Variants in ATXN7L1 observed in about 807,000 individuals in gnomAD.
The protein encoded by ATXN7L1 is ataxin-7-like protein 1.
Under a neutral mutation model 70.8 loss-of-function variants are expected in ATXN7L1, and 15 were observed. That is an observed-to-expected ratio of 0.21 (90% CI 0.14 to 0.33). The LOEUF (loss-of-function observed/expected upper bound fraction) is 0.33, where lower values mean the gene tolerates loss of function less well. Among genes scored for constraint, ATXN7L1 ranks in the 10% least tolerant of loss-of-function variants. The probability of loss-of-function intolerance (pLI) is 1.00; values close to 1 mark genes in which losing one functional copy is unlikely to be tolerated. For missense variants in ATXN7L1, 975 were observed against 1,097.1 expected, an observed-to-expected ratio of 0.89 and a Z score of 1.57; for synonymous variants, 440 against 445.1, an observed-to-expected ratio of 0.99 and a Z score of 0.14.
intron 11 of ATXN7L1, 27 bp downstream of exon 11, chr7:105,610,502 G>GGGGCGC: frequency 1.1e-5 from 17 of 1,525,542 alleles, no homozygotes; most frequent in Non-Finnish European, 1.5e-5. Flanking sequence ...ATGAATTTTT[G>GGGGCGC]CCCCACCCCC....
chr7:105,784,716 C>G (rs1804035089), intron 3 of ATXN7L1, among the ~76,000 whole-genome samples: 1 of 152,182 alleles, frequency 6.6e-6, no homozygotes, highest in Non-Finnish European at 1.5e-5. Context: ...CCCCCTGAGG[C>G]AGGCAGAGTA....
At chr7:105,758,317 G>T (rs1228586786) in intron 3 of ATXN7L1, among the ~76,000 whole-genome samples, 3 of 152,168 alleles carry the variant, frequency 2.0e-5, no homozygotes, top group African/African-American at 7.2e-5. Context: ...CCATGACGGT[G>T]ATTAATCCTC....
chr7:105,661,214 G>GAA (rs1801550856), intron 4 of ATXN7L1, among the ~76,000 whole-genome samples: 1 of 152,140 alleles, frequency 6.6e-6, no homozygotes, highest in Admixed American at 6.5e-5. Context: ...TGGGCCCTGT[G>GAA]TATCCCCTGT....
chr7:105,791,472 G>A lies in ATXN7L1; in HGVS notation c.251-2764C>T, dbSNP rs557598157. 4.7e-4 allele frequency among the ~76,000 whole-genome samples: 71 copies of A among 152,294 alleles called. 1 individual carries two copies. The highest frequency in any genetic ancestry group is 1.6e-3 in the African/African-American group (65 of 41,552). On this transcript the variant is annotated intron_variant, in intron 2 of 11. Transcript: ENST00000419735. ...ACCCTGTGGGCAGGCAGGACCCTCAGTTCAGAGCCTTAGAGCCGCGGAGAT... is the reference window on the plus strand; with the variant it reads ...ACCCTGTGGGCAGGCAGGACCCTCAATTCAGAGCCTTAGAGCCGCGGAGAT...
At chr7:105,868,189 C>T (rs1046480334) in intron 2 of ATXN7L1, among the ~76,000 whole-genome samples, 2 of 152,126 alleles carry the variant, frequency 1.3e-5, no homozygotes, top group African/African-American at 4.8e-5. Context: ...TCTGGGAGGC[C>T]GGCACTGAGC....
chr7:105,617,929 C>A (rs1439136007), intron 9 of ATXN7L1: 8 of 456,552 alleles, frequency 1.8e-5, no homozygotes, highest in Non-Finnish European at 3.1e-5. Flanking sequence ...CAGGTTCGGG[C>A]CCGCCGGGGC....
intron 3 of ATXN7L1, among the ~76,000 whole-genome samples, chr7:105,720,659 C>CG (rs1461931749): frequency 6.6e-6 from 1 of 152,006 alleles, no homozygotes; most frequent in Non-Finnish European, 1.5e-5. Flanking sequence ...TTGGTAGAGA[C>CG]GGGGTCTCAA....
intron 3 of ATXN7L1, among the ~76,000 whole-genome samples, chr7:105,679,616 T>C (rs71562671): frequency 0.069 from 10,442 of 152,190 alleles, 406 homozygotes; most frequent in South Asian, 0.084. Context: ...TCTGGATATT[T>C]AGAAAGTTTG....
chr7:105,676,572 G>A (rs913693065), intron 3 of ATXN7L1, among the ~76,000 whole-genome samples: 24 of 152,274 alleles, frequency 1.6e-4, no homozygotes, highest in Middle Eastern at 3.4e-3. Context: ...GGGCATAGTG[G>A]CTCACACCTG....
At chr7:105,705,371 T>C (rs1044206992) in intron 3 of ATXN7L1, among the ~76,000 whole-genome samples, 3 of 152,200 alleles carry the variant, frequency 2.0e-5, no homozygotes, top group African/African-American at 4.8e-5. Context: ...TGCTGCGCTA[T>C]TGAACACATG....
At position 105,665,103 on chromosome 7, in the gene ATXN7L1, T is replaced by C. The variant is rs1177851917; in HGVS notation, c.541A>G (p.Thr181Ala). The change falls in exon 4 of 12, where the codon ACA becomes GCA. Residue 181 changes from threonine (T) to alanine (A), a missense_variant. Around this residue, in one of 5 missense-constraint regions of ATXN7L1, gnomAD observed 192 missense variants for 215.5 expected, o/e 0.89. Transcript: ENST00000419735. Reference sequence around the variant, plus strand: ...CTTGATCCTTTCGCAGGAAAGACTGTGTGCTGTTTGCTGCTGGAGGTAAGT... The same window carrying C: ...CTTGATCCTTTCGCAGGAAAGACTGCGTGCTGTTTGCTGCTGGAGGTAAGT... ...NLLTSSSKQH[T>A]VFPAKGSRDK... The C allele has an allele frequency of 6.4e-7, 1 of 1,551,622 alleles. No individual in the cohort carries two copies. The highest frequency in any genetic ancestry group is 8.7e-7 in the Non-Finnish European group (1 of 1,146,992).
Position 105,628,910 on chromosome 7 carries a change from G to A in ATXN7L1, c.1203-4643C>T, listed in dbSNP as rs189760908. Among the ~76,000 whole-genome samples, 13 of 151,182 alleles carry A rather than the reference G, an allele frequency of 8.6e-5. 1 individual carries two copies. The highest frequency in any genetic ancestry group is 3.1e-4 in the African/African-American group (13 of 41,326). ...ACTGTAAAATGATTACCACAAGTTA[G>A]CTAACATATGTCACCTCACAGTTAC... On this transcript the variant is annotated intron_variant, in intron 7 of 11. Coordinates refer to ENST00000419735, the MANE Select transcript of ATXN7L1 (RefSeq NM_020725.2).
At chr7:105,826,509 T>C (rs1380478129) in intron 2 of ATXN7L1, among the ~76,000 whole-genome samples, 3 of 152,200 alleles carry the variant, frequency 2.0e-5, no homozygotes, top group Non-Finnish European at 2.9e-5. Flanking sequence ...GAAAATAGCA[T>C]TTTATTACAT....
intron 2 of ATXN7L1, among the ~76,000 whole-genome samples, chr7:105,807,714 G>A (rs1029721643): frequency 7.2e-5 from 11 of 152,146 alleles, no homozygotes; most frequent in African/African-American, 1.4e-4. Flanking sequence ...TAGCATGGAC[G>A]GACCCACATG....
At chr7:105,761,037 T>C (rs1800465260) in intron 3 of ATXN7L1, 1 of 478,334 alleles carries the variant, frequency 2.1e-6, no homozygotes, top group East Asian at 1.1e-4. Context: ...TGATTTTGAT[T>C]CTGACTTCTG....
At chr7:105,619,140 G>GTTTTTTTTTTTTTTTTTTTTTTTTTTT (rs1191774371) in intron 9 of ATXN7L1, among the ~76,000 whole-genome samples, 3 of 49,844 alleles carry the variant, frequency 6.0e-5, no homozygotes, top group South Asian at 1.4e-3. Flanking sequence ...GAAATCTTTA[G>GTTTTTTTTTTTTTTTTTTTTTTTTTTT]TTTTTTTTTT....
At chr7:105,790,584 A>C (rs1388794653) in intron 2 of ATXN7L1, among the ~76,000 whole-genome samples, 2 of 149,498 alleles carry the variant, frequency 1.3e-5, no homozygotes, top group Non-Finnish European at 3.0e-5. Context: ...CTGTCTCAGA[A>C]AGAAAAAGAA....
At chr7:105,870,894 T>C (rs1818159628) in intron 2 of ATXN7L1, among the ~76,000 whole-genome samples, 1 of 152,174 alleles carries the variant, frequency 6.6e-6, no homozygotes, top group Non-Finnish European at 1.5e-5. Flanking sequence ...GGGGAACACA[T>C]TGGGTTTTGG....
At chr7:105,863,827 C>T (rs974865904) in intron 2 of ATXN7L1, among the ~76,000 whole-genome samples, 5 of 151,836 alleles carry the variant, frequency 3.3e-5, no homozygotes, top group African/African-American at 1.2e-4. Context: ...AGTTAATGCC[C>T]AATAAAAGAC....
Sources: gnomAD v4.1 joint callset for allele counts (sites outside exome capture counted in the v4.1 genomes callset) on GRCh38, gnomAD v4.1.1 for gene constraint, gnomAD v4.1.1 regional missense constraint, MANE v1.5 for transcripts, NCBI Gene and HGNC (gene_info 2026-07-23, HGNC 2026-07-21) for gene names.